The following PTPRD variants were observed in gnomAD, a reference collection of about 807,000 sequenced individuals.
PTPRD encodes protein tyrosine phosphatase receptor type D.
Under a neutral mutation model 214.5 loss-of-function variants are expected in PTPRD, and 34 were observed. That is an observed-to-expected ratio of 0.16 (90% CI 0.12 to 0.21). The LOEUF is 0.21. Ranked by LOEUF, PTPRD falls within the 10% of genes least tolerant of loss-of-function variation. The pLI is 1.00. For synonymous variants in PTPRD, 1,128 were observed against 845.7 expected (o/e 1.33, Z -5.79); for missense variants, 2,545 against 2,398.7 (o/e 1.06, Z -1.27).
intron 8 of PTPRD, among the ~76,000 whole-genome samples, chr9:9,551,518 T>C (rs2080235688): frequency 6.6e-6 from 1 of 151,980 alleles, no homozygotes; most frequent in Non-Finnish European, 1.5e-5. Flanking sequence ...TCACTCTGTA[T>C]CTACCTACTG....
At chr9:9,479,215 G>GCCCC (rs769053229) in intron 8 of PTPRD, among the ~76,000 whole-genome samples, 4 of 20,582 alleles carry the variant, frequency 1.9e-4, no homozygotes, top group African/African-American at 7.2e-4. Context: ...ACACACACAC[G>GCCCC]CCCCCCCCCC....
chr9:10,479,865 C>G (rs1202201580), intron 2 of PTPRD, among the ~76,000 whole-genome samples: 2 of 151,940 alleles, frequency 1.3e-5, no homozygotes, highest in African/African-American at 2.4e-5. Context: ...AAAGTACATT[C>G]CTAAAGACTG....
At chr9:8,386,284 T>C (rs1189830886) in intron 37 of PTPRD, among the ~76,000 whole-genome samples, 1 of 152,194 alleles carries the variant, frequency 6.6e-6, no homozygotes, top group Admixed American at 6.5e-5. Flanking sequence ...TCCTCTCTCA[T>C]GGTGGTATCC....
In PTPRD at chr9:9,303,245, G is replaced by A. The variant is rs73641459; in HGVS notation, c.-203+94204C>T. On this transcript the variant is annotated intron_variant, in intron 9 of 45. Transcript: ENST00000381196. The stretch of plus-strand genomic sequence containing the variant: ...TTATACATCAATAAATACTACTAAT[G>A]ATAATGATGTTAATAAATTGGTTTG... Among the ~76,000 whole-genome samples, 291 of 151,940 alleles carry A rather than the reference G, an allele frequency of 1.9e-3. 3 individuals are homozygous for A. The highest frequency in any genetic ancestry group is 6.7e-3 in the African/African-American group (278 of 41,462).
intron 39 of PTPRD, among the ~76,000 whole-genome samples, chr9:8,354,536 C>A (rs898806459): frequency 6.6e-6 from 1 of 152,188 alleles, no homozygotes. Context: ...CTGTACTAAT[C>A]ATTGAACCTC....
intron 4 of PTPRD, among the ~76,000 whole-genome samples, chr9:10,014,272 C>T (rs901123978): frequency 2.0e-5 from 3 of 151,930 alleles, no homozygotes; most frequent in Non-Finnish European, 4.4e-5. Context: ...CTCAGTGAGG[C>T]TAAGTAATTT....
chr9:10,185,872 C>A (rs1020484467), intron 3 of PTPRD, among the ~76,000 whole-genome samples: 4 of 152,078 alleles, frequency 2.6e-5, no homozygotes, highest in East Asian at 1.9e-4. Flanking sequence ...CCTGCCATGT[C>A]TATTTCTTGT....
In PTPRD at chr9:9,943,125, A is replaced by T. The variant is rs572341235; in HGVS notation, c.-471-4515T>A. On this transcript the variant is annotated intron_variant, in intron 4 of 45. Transcript: ENST00000381196. ...TGGTCCTGAGACAATATCGTAGTAC[A>T]ATCAAACTCAAAATGAAGACATATT... Among the ~76,000 whole-genome samples, 7 of 152,242 alleles carry T rather than the reference A, an allele frequency of 4.6e-5. No homozygotes were observed. In the East Asian group the frequency reaches 7.7e-4, roughly 17 times the overall value.
At chr9:9,988,966 G>C (rs2095814256) in intron 4 of PTPRD, among the ~76,000 whole-genome samples, 1 of 119,998 alleles carries the variant, frequency 8.3e-6, no homozygotes, top group African/African-American at 3.1e-5. Flanking sequence ...CATATGTACT[G>C]TCAATGTCTC....
chr9:10,313,708 T>C (rs1379101078), intron 3 of PTPRD, among the ~76,000 whole-genome samples: 1 of 151,928 alleles, frequency 6.6e-6, no homozygotes, highest in Non-Finnish European at 1.5e-5. Context: ...TGGATGCATT[T>C]GCATCTGCTT....
chr9:10,377,857 C>T (rs568778117), intron 2 of PTPRD, among the ~76,000 whole-genome samples: 152 of 152,180 alleles, frequency 1.0e-3, no homozygotes, highest in African/African-American at 3.7e-3. Flanking sequence ...GTGAACAGTG[C>T]TGCAACAAAC....
rs144802363 is a variant in PTPRD, at chr9:8,337,253, G to C, written c.5379+1669C>G. 1.5e-3 allele frequency among the ~76,000 whole-genome samples: 235 copies of C among 152,274 alleles called. 1 individual carries two copies. Among genetic ancestry groups the C allele is most frequent in the Middle Eastern group, 6.8e-3 (2 of 294 alleles). Reference sequence around the variant, plus strand: ...GAAAATGTGGCACATATACACTATGGAATATTATGGTGAGTGAGTATTCCA... The same window carrying C: ...GAAAATGTGGCACATATACACTATGCAATATTATGGTGAGTGAGTATTCCA... On this transcript the variant is annotated intron_variant, in intron 43 of 45. Coordinates refer to ENST00000381196, the MANE Select transcript of PTPRD (RefSeq NM_002839.4).
chr9:10,564,278 T>C (rs1339237414), intron 2 of PTPRD, among the ~76,000 whole-genome samples: 1 of 140,772 alleles, frequency 7.1e-6, no homozygotes, highest in East Asian at 2.2e-4. Context: ...GCCTCCCAAA[T>C]TGCTGGGATT....
intron 4 of PTPRD, among the ~76,000 whole-genome samples, chr9:10,003,623 A>C (rs1357830361): frequency 6.6e-6 from 1 of 151,792 alleles, no homozygotes; most frequent in Non-Finnish European, 1.5e-5. Flanking sequence ...AGTTAATACT[A>C]AAATAACCCA....
chr9:9,279,459 T>C (rs1253506678), intron 9 of PTPRD, among the ~76,000 whole-genome samples: 2 of 149,888 alleles, frequency 1.3e-5, no homozygotes, highest in Admixed American at 6.7e-5. Flanking sequence ...CATATGCAAA[T>C]CCTTCTTTTC....
chr9:10,535,415 T>C (rs894055459), intron 2 of PTPRD, among the ~76,000 whole-genome samples: 1 of 152,130 alleles, frequency 6.6e-6, no homozygotes, highest in African/African-American at 2.4e-5. Flanking sequence ...AAAATTTACA[T>C]CTACTTACCG....
chr9:8,922,293 C>T (rs1185011261), intron 11 of PTPRD, among the ~76,000 whole-genome samples: 6 of 152,120 alleles, frequency 3.9e-5, no homozygotes, highest in African/African-American at 1.2e-4. Context: ...AATACCAGGA[C>T]TTTCAGAAGA....
chr9:9,519,805 A>G (rs1231504803), intron 8 of PTPRD, among the ~76,000 whole-genome samples: 1 of 152,046 alleles, frequency 6.6e-6, no homozygotes, highest in Admixed American at 6.6e-5. Context: ...ATTCAACAAA[A>G]TCCATAAAAA....
rs2136982768 is a variant in PTPRD at position 8,500,969 on chromosome 9, T to C, written c.1913A>G (p.Gln638Arg). The C allele has an allele frequency of 6.2e-7, 1 of 1,614,166 alleles. No homozygotes were observed. The highest frequency in any genetic ancestry group is 8.5e-7 in the Non-Finnish European group (1 of 1,180,012). ...VSWQPPPVEK[Q>R]NGIITEYSIK... ...GGAGTATTCAGTGATAATGCCATTC[T>C]GTTTTTCCACTGGTGGAGGTTGCCA... Residue 638 changes from glutamine to arginine, a missense_variant, in exon 24 of 46, where the codon CAG (glutamine) becomes CGG (arginine). Coordinates refer to ENST00000381196, the MANE Select transcript of PTPRD (RefSeq NM_002839.4).
Sources: allele counts gnomAD v4.1 joint callset (sites outside exome capture counted in the v4.1 genomes callset), GRCh38; gene constraint gnomAD v4.1.1; transcripts MANE v1.5; gene names NCBI Gene and HGNC (gene_info 2026-07-23, HGNC 2026-07-21).